Variants in SPSB1 observed in about 807,000 individuals in gnomAD.
SPSB1 encodes SPRY domain-containing SOCS box protein 1.
Under a neutral mutation model 21.2 loss-of-function variants are expected in SPSB1, and 8 were observed. That is an observed-to-expected ratio of 0.38 (90% CI 0.22 to 0.68). The LOEUF (loss-of-function observed/expected upper bound fraction) is 0.68, where lower values mean the gene tolerates loss of function less well. SPSB1 is among the 30% of genes least tolerant of loss of function. The pLI, the probability that SPSB1 is intolerant of heterozygous loss-of-function variation, is 0.53. For synonymous variants in SPSB1, 169 were observed against 161.7 expected, an observed-to-expected ratio of 1.05 and a Z score of -0.34; for missense variants, 242 against 377.8, an observed-to-expected ratio of 0.64 and a Z score of 2.98.
At position 9,363,824 on chromosome 1, in the gene SPSB1, C is replaced by G. The variant is rs1640515213; in HGVS notation, c.695-3624C>G. On this transcript the variant is annotated intron_variant, in intron 2 of 2. Coordinates refer to ENST00000328089, the MANE Select transcript of SPSB1 (RefSeq NM_025106.4). The surrounding 1 kb of genome is among the most constrained non-coding windows in gnomAD (Gnocchi z 4.5). ...CAAGCAATCCTCCTGCCTCAAACTC[C>G]CAAGTAGCTGGGACTACAGGCATGC... 6.6e-6 allele frequency among the ~76,000 whole-genome samples: 1 copy of G among 152,168 alleles called. No individual in the cohort carries two copies. The highest frequency in any genetic ancestry group is 2.1e-4 in the South Asian group (1 of 4,814).
At chr1:9,359,986 A>G (rs952500087) in intron 2 of SPSB1, among the ~76,000 whole-genome samples, 10 of 152,116 alleles carry the variant, frequency 6.6e-5, no homozygotes, top group Non-Finnish European at 1.3e-4. Flanking sequence ...GGGGCTGCTG[A>G]CCCGAGATGG....
chr1:9,306,520 C>A (rs1052716438), intron 1 of SPSB1, among the ~76,000 whole-genome samples: 10 of 152,140 alleles, frequency 6.6e-5, no homozygotes, highest in African/African-American at 2.4e-4. Context: ...TCAAGTCATT[C>A]AGTCGTCATA....
At chr1:9,365,495 C>G (rs1360089060) in intron 2 of SPSB1, among the ~76,000 whole-genome samples, 1 of 152,180 alleles carries the variant, frequency 6.6e-6, no homozygotes, top group African/African-American at 2.4e-5. Flanking sequence ...TTTGTAACAG[C>G]TTTACTGAGC....
intron 2 of SPSB1, among the ~76,000 whole-genome samples, chr1:9,359,238 A>G (rs1279448048): frequency 2.0e-5 from 3 of 152,184 alleles, no homozygotes; most frequent in African/African-American, 7.2e-5. Context: ...AGATTGGAAA[A>G]TAGATGTGGT....
intron 2 of SPSB1, among the ~76,000 whole-genome samples, chr1:9,362,581 C>T (rs764318382): frequency 1.8e-4 from 27 of 152,232 alleles, no homozygotes; most frequent in Admixed American, 7.8e-4. Context: ...TTCTCTGATG[C>T]GGAACATTTT....
intron 1 of SPSB1, 97 bp from the exon 2 acceptor site, chr1:9,355,646 G>A (rs892407260): frequency 2.1e-5 from 26 of 1,229,210 alleles, no homozygotes; most frequent in Non-Finnish European, 2.6e-5. Context: ...GGTGCAGGCT[G>A]CTGGGACATG....
chr1:9,307,561 G>C (rs1006917241), intron 1 of SPSB1, among the ~76,000 whole-genome samples: 2 of 152,202 alleles, frequency 1.3e-5, no homozygotes, highest in African/African-American at 4.8e-5. Context: ...TTTCCTAAGT[G>C]GAAGCTGGAT....
intron 1 of SPSB1, among the ~76,000 whole-genome samples, chr1:9,337,936 G>A (rs998110854): frequency 2.0e-5 from 3 of 152,206 alleles, no homozygotes; most frequent in Non-Finnish European, 4.4e-5. Flanking sequence ...TGGCTCTTCC[G>A]GTGAGGAAGG....
Position 9,356,222 on chromosome 1 carries a change from A to T in SPSB1, c.331A>T (p.Thr111Ser). The change falls in exon 2 of 3, where the codon ACA becomes TCA. Residue 111 changes from threonine to serine, a missense_variant. Thr to Ser is a moderately conservative substitution (Grantham distance 58). Coordinates refer to ENST00000328089, the MANE Select transcript of SPSB1 (RefSeq NM_025106.4). This position sits in a 1 kb window ranked among gnomAD's most constrained non-coding sequence, Gnocchi z 7.4. ...QITWAMRQRG[T>S]HAVVGVATAD... ...CACGTGGGCCATGAGACAGCGGGGC[A>T]CACACGCCGTGGTGGGGGTGGCGAC... 6.2e-7 allele frequency: 1 copy of T among 1,600,726 alleles called. No individual in the cohort carries two copies. The highest frequency in any genetic ancestry group is 8.5e-7 in the Non-Finnish European group (1 of 1,172,534).
intron 1 of SPSB1, among the ~76,000 whole-genome samples, chr1:9,304,946 C>T (rs1016224192): frequency 6.6e-6 from 1 of 152,120 alleles, no homozygotes; most frequent in African/African-American, 2.4e-5. Context: ...GGGCATGAGC[C>T]ACAGCGCTCA....
rs57731582 is a variant in SPSB1, at chr1:9,347,943, C to CTTTT, written c.-149-7783_-149-7780dup. Among the ~76,000 whole-genome samples, 118 of 132,408 alleles carry CTTTT rather than the reference C, an allele frequency of 8.9e-4. 1 individual carries two copies. Among genetic ancestry groups the CTTTT allele is most frequent in the South Asian group, 3.9e-3 (15 of 3,886 alleles). 86.9% of individuals were successfully genotyped at this position (132,408 alleles called of 152,430 possible). On this transcript the variant is annotated intron_variant, in intron 1 of 2. Transcript: ENST00000328089. ...CACCTTCTTTGCAGTTTCCCTGCAA[C>CTTTT]TTTTTTTTTTTTTTTTTTTTAAACA...
chr1:9,341,626 T>A (rs1640092097), intron 1 of SPSB1, among the ~76,000 whole-genome samples: 1 of 152,260 alleles, frequency 6.6e-6, no homozygotes, highest in Non-Finnish European at 1.5e-5. Flanking sequence ...TCCAGTTTCC[T>A]CTTGGGAGAG....
At chr1:9,340,236 T>C (rs75504344) in intron 1 of SPSB1, among the ~76,000 whole-genome samples, 1 of 152,090 alleles carries the variant, frequency 6.6e-6, no homozygotes, top group Non-Finnish European at 1.5e-5. Context: ...GGTTTTCCAT[T>C]TGGGGGCCTA....
chr1:9,300,600 A>G (rs1377556937), intron 1 of SPSB1, among the ~76,000 whole-genome samples: 1 of 152,224 alleles, frequency 6.6e-6, no homozygotes, highest in Non-Finnish European at 1.5e-5. Flanking sequence ...TAGAGACTTA[A>G]TGTTTGACCA....
At position 9,305,627 on chromosome 1, in the gene SPSB1, A is replaced by T. The variant is rs1329208326; in HGVS notation, c.-150+12556A>T. On this transcript the variant is annotated intron_variant, in intron 1 of 2. Transcript: ENST00000328089. This position sits in a 1 kb window ranked among gnomAD's most constrained non-coding sequence, Gnocchi z 4.8. ...CTCCCCGTCACGGAACTAAACTGCC[A>T]GGTGTTCCGTTCTCAGACCAGACTT... 6.6e-6 allele frequency among the ~76,000 whole-genome samples: 1 copy of T among 152,192 alleles called. No homozygotes were observed. Among genetic ancestry groups the T allele is most frequent in the Non-Finnish European group, 1.5e-5 (1 of 68,034 alleles).
intron 1 of SPSB1, among the ~76,000 whole-genome samples, chr1:9,302,913 T>C (rs1639358494): frequency 6.6e-6 from 1 of 152,156 alleles, no homozygotes; most frequent in African/African-American, 2.4e-5. Context: ...AGCGAAATTG[T>C]TGCTTCCTGT....
intron 1 of SPSB1, among the ~76,000 whole-genome samples, chr1:9,312,683 G>C (rs532101556): frequency 1.3e-5 from 2 of 152,238 alleles, no homozygotes; most frequent in Non-Finnish European, 2.9e-5. Flanking sequence ...GCAATGATTG[G>C]ATGATTGTGC....
At chr1:9,298,948 A>G (rs1460173216) in intron 1 of SPSB1, among the ~76,000 whole-genome samples, 1 of 152,136 alleles carries the variant, frequency 6.6e-6, no homozygotes, top group Non-Finnish European at 1.5e-5. Flanking sequence ...CAAAAGCAAC[A>G]TTGCATCCCT....
At chr1:9,341,387 A>G (rs1430041200) in intron 1 of SPSB1, among the ~76,000 whole-genome samples, 1 of 152,200 alleles carries the variant, frequency 6.6e-6, no homozygotes, top group Non-Finnish European at 1.5e-5. Context: ...TGTTCAGATG[A>G]TTGGGTGTTG....
Sources: gnomAD v4.1 joint callset for allele counts (sites outside exome capture counted in the v4.1 genomes callset) on GRCh38, gnomAD v4.1.1 for gene constraint, Gnocchi (gnomAD v3.1) non-coding constraint, MANE v1.5 for transcripts, NCBI Gene and HGNC (gene_info 2026-07-23, HGNC 2026-07-21) for gene names.